Variants in FAAH2 observed in about 807,000 individuals in gnomAD.
FAAH2 encodes fatty acid amide hydrolase 2.
In FAAH2, 60 loss-of-function variants were observed where a neutral mutation model predicts 36.9. The ratio of observed to expected loss-of-function variants is 1.63; its 90% CI spans 1.32 to 2.02. FAAH2 has a LOEUF of 2.02. Among genes scored for constraint, FAAH2 ranks in the 30% most tolerant of loss-of-function variants. The pLI, the probability that FAAH2 is intolerant of heterozygous loss-of-function variation, is 0.00. For synonymous variants in FAAH2, 214 were observed against 143.8 expected (o/e 1.49, Z -3.49); for missense variants, 689 against 397.5 (o/e 1.73, Z -6.23).
intron 10 of FAAH2, among the ~76,000 whole-genome samples, chrX:57,456,301 G>A (rs972302093): frequency 4.5e-5 from 5 of 111,860 alleles, no homozygotes; most frequent in African/African-American, 1.6e-4. Context: ...TTAAAGCAGT[G>A]GTAAGAGACA....
At chrX:57,442,215 A>T (rs1040993905) in intron 8 of FAAH2, among the ~76,000 whole-genome samples, 1 of 110,951 alleles carries the variant, frequency 9.0e-6, no homozygotes, top group African/African-American at 3.3e-5. Context: ...GGGGTGTTAA[A>T]GTCTCCCATT....
chrX:57,124,073 T>A, the FAAH2 span, among the ~76,000 whole-genome samples: 1 of 111,889 alleles, frequency 8.9e-6, no homozygotes, highest in Non-Finnish European at 1.9e-5. Context: ...CATGAAGTCC[T>A]TTCCCATGCC....
chrX:57,320,468 G>C (rs887714576), intron 3 of FAAH2, among the ~76,000 whole-genome samples: 2 of 112,360 alleles, frequency 1.8e-5, no homozygotes, highest in African/African-American at 3.2e-5. Context: ...ACCACAATGA[G>C]ATACCATCAC....
At chrX:57,206,962 G>T in the FAAH2 span, among the ~76,000 whole-genome samples, 4 of 111,555 alleles carry the variant, frequency 3.6e-5, no homozygotes, top group Admixed American at 3.8e-4. Context: ...TCTTTACTCA[G>T]TGGCCATCAT....
intron 7 of FAAH2, chrX:57,395,536 T>A (rs945189259): frequency 1.3e-5 from 4 of 312,157 alleles, no homozygotes; most frequent in African/African-American, 1.1e-4. Context: ...ATGGCTTTTA[T>A]TAATTTGAGG....
At chrX:57,452,068 G>A (rs944167622) in intron 10 of FAAH2, 1 of 490,988 alleles carries the variant, frequency 2.0e-6, no homozygotes, top group Non-Finnish European at 2.5e-6. Flanking sequence ...TACCAGGACA[G>A]ATGGAAGGAA....
At chrX:57,240,619 C>A in the FAAH2 span, among the ~76,000 whole-genome samples, 6 of 112,230 alleles carry the variant, frequency 5.3e-5, no homozygotes, top group Non-Finnish European at 9.4e-5. Context: ...GTGGGGTCTG[C>A]ACATGTGTGC....
chrX:57,191,907 G>A, the FAAH2 span, among the ~76,000 whole-genome samples: 1 of 111,788 alleles, frequency 8.9e-6, no homozygotes, highest in Non-Finnish European at 1.9e-5. Context: ...TTGAAGTCAG[G>A]TAATGTGATT....
intron 5 of FAAH2, among the ~76,000 whole-genome samples, chrX:57,346,420 T>C (rs925033910): frequency 8.9e-6 from 1 of 112,040 alleles, no homozygotes; most frequent in African/African-American, 3.2e-5. Context: ...ATCTGTTTTA[T>C]CTTATAAAAA....
chrX:57,181,476 T>G, the FAAH2 span, among the ~76,000 whole-genome samples: 1 of 110,932 alleles, frequency 9.0e-6, no homozygotes, highest in Non-Finnish European at 1.9e-5. Flanking sequence ...AGGAAGCCCA[T>G]TCACAATTTC....
intron 10 of FAAH2, among the ~76,000 whole-genome samples, chrX:57,479,312 T>A (rs1159770067): frequency 8.9e-6 from 1 of 111,973 alleles, no homozygotes; most frequent in Non-Finnish European, 1.9e-5. Context: ...TATATAAGAA[T>A]GCTTGTGATT....
chrX:57,174,539 A>G, the FAAH2 span, among the ~76,000 whole-genome samples: 2 of 111,772 alleles, frequency 1.8e-5, no homozygotes, highest in Non-Finnish European at 3.8e-5. Flanking sequence ...TCAAAGAACA[A>G]TCTTCTTATT....
At chrX:57,211,876 C>T in the FAAH2 span, among the ~76,000 whole-genome samples, 3 of 111,623 alleles carry the variant, frequency 2.7e-5, no homozygotes, top group South Asian at 1.1e-3. Context: ...GAAAAATGAC[C>T]CTATTCAACA....
intron 4 of FAAH2, among the ~76,000 whole-genome samples, chrX:57,332,335 T>C (rs2053431547): frequency 8.9e-6 from 1 of 112,479 alleles, no homozygotes; most frequent in Admixed American, 9.4e-5. Flanking sequence ...ATTAAAAATT[T>C]AAGTGTGACT....
At chrX:57,205,107 T>G in the FAAH2 span, among the ~76,000 whole-genome samples, 66 of 112,340 alleles carry the variant, frequency 5.9e-4, no homozygotes, top group Non-Finnish European at 1.1e-3. Context: ...GTCTCTCAAA[T>G]GAGGGAATAT....
rs777715852 is a variant in FAAH2, at chrX:57,421,938, C to A, written c.997-9980C>A. ...CTGATTTAATGGACCAGTGCAATGC[C>A]TTGTGTAAGGAAAAGGCAAAGTCCT... On this transcript the variant is annotated intron_variant, in intron 7 of 10. Coordinates refer to ENST00000374900, the MANE Select transcript of FAAH2 (RefSeq NM_174912.4). Among the ~76,000 whole-genome samples the A allele has an allele frequency of 8.9e-4, 100 of 111,801 alleles. 1 individual carries two copies. Among genetic ancestry groups the A allele is most frequent in the African/African-American group, 3.2e-3 (97 of 30,789 alleles).
intron 2 of FAAH2, among the ~76,000 whole-genome samples, chrX:57,299,821 C>G (rs1226034876): frequency 1.8e-5 from 2 of 111,766 alleles, no homozygotes; most frequent in East Asian, 2.8e-4. Context: ...AACAGACAAA[C>G]AGAGAGCCAA....
the FAAH2 span, among the ~76,000 whole-genome samples, chrX:57,271,454 C>A: frequency 1.2e-4 from 13 of 112,301 alleles, no homozygotes; most frequent in Non-Finnish European, 2.4e-4. Context: ...CCCTGACCCC[C>A]GTGTGTACTG....
chrX:57,189,734 A>G, the FAAH2 span, among the ~76,000 whole-genome samples: 3,435 of 111,416 alleles, frequency 0.031, 115 homozygotes, highest in African/African-American at 0.11. Flanking sequence ...AACAACAAAG[A>G]TGGTTGCCTG....
Sources: allele counts gnomAD v4.1 joint callset (sites outside exome capture counted in the v4.1 genomes callset), GRCh38; gene constraint gnomAD v4.1.1; transcripts MANE v1.5; gene names NCBI Gene and HGNC (gene_info 2026-07-23, HGNC 2026-07-21).